FRMD3: variants seen among roughly 807,000 people sequenced by gnomAD.
The protein encoded by FRMD3 is FERM domain containing 3.
In FRMD3, 33 loss-of-function variants were observed where a neutral mutation model predicts 70.2. The observed-to-expected ratio is 0.47, with a 90% CI of 0.36 to 0.63. The LOEUF (loss-of-function observed/expected upper bound fraction) is 0.63. Among genes scored for constraint, FRMD3 ranks in the 20% least tolerant of loss-of-function variants. The pLI, the probability that FRMD3 is intolerant of heterozygous loss-of-function variation, is 0.00. For missense variants in FRMD3, 632 were observed against 711.4 expected (o/e 0.89, Z 1.27); for synonymous variants, 279 against 255.9 (o/e 1.09, Z -0.86).
intron 3 of FRMD3, among the ~76,000 whole-genome samples, chr9:83,369,462 G>C (rs1824898061): frequency 6.6e-6 from 1 of 151,958 alleles, no homozygotes; most frequent in Non-Finnish European, 1.5e-5. Flanking sequence ...TGTAATCCCA[G>C]CTACTCAGGG....
chr9:83,361,411 C>T (rs900761895), intron 3 of FRMD3, among the ~76,000 whole-genome samples: 6 of 152,156 alleles, frequency 3.9e-5, no homozygotes, highest in African/African-American at 9.7e-5. Context: ...GTAGGTTATA[C>T]GAATGAGGAT....
chr9:83,531,066 G>C (rs1247405658), intron 1 of FRMD3, among the ~76,000 whole-genome samples: 1 of 152,144 alleles, frequency 6.6e-6, no homozygotes, highest in Non-Finnish European at 1.5e-5. Flanking sequence ...ATTGGAAGTG[G>C]CTTCTCTCTT....
chr9:83,368,515 A>G (rs1191780558), intron 3 of FRMD3, among the ~76,000 whole-genome samples: 1 of 152,038 alleles, frequency 6.6e-6, no homozygotes, highest in African/African-American at 2.4e-5. Context: ...CATCTCTTCT[A>G]AGTTCAGAGG....
intron 1 of FRMD3, among the ~76,000 whole-genome samples, chr9:83,456,979 C>CAA (rs56964661): frequency 3.3e-5 from 5 of 150,636 alleles, no homozygotes; most frequent in African/African-American, 9.8e-5. Flanking sequence ...GATCCTGTCT[C>CAA]AAAAAAAAAT....
intron 5 of FRMD3, among the ~76,000 whole-genome samples, chr9:83,337,502 T>C (rs1823620172): frequency 6.6e-6 from 1 of 152,164 alleles, no homozygotes; most frequent in African/African-American, 2.4e-5. Flanking sequence ...AAGAATACTT[T>C]CTATTGGTTC....
At chr9:83,402,902 T>C (rs868387026) in intron 1 of FRMD3, among the ~76,000 whole-genome samples, 3 of 69,446 alleles carry the variant, frequency 4.3e-5, no homozygotes, top group African/African-American at 1.4e-4. Flanking sequence ...TTCTTTCTTT[T>C]TTTTTTTTTT....
At chr9:83,355,302 G>A (rs900306293) in intron 3 of FRMD3, among the ~76,000 whole-genome samples, 3 of 152,192 alleles carry the variant, frequency 2.0e-5, no homozygotes, top group African/African-American at 4.8e-5. Flanking sequence ...AGCTATCTGC[G>A]CAAACCCACA....
chr9:83,545,976 A>G, the FRMD3 span, among the ~76,000 whole-genome samples: 33 of 152,074 alleles, frequency 2.2e-4, no homozygotes, highest in Non-Finnish European at 4.6e-4. Context: ...AATCACCTGT[A>G]AAGGAAATCC....
At chr9:83,445,746 G>A (rs1455983052) in intron 1 of FRMD3, among the ~76,000 whole-genome samples, 1 of 152,214 alleles carries the variant, frequency 6.6e-6, no homozygotes, top group Non-Finnish European at 1.5e-5. Flanking sequence ...AGGAATGTTT[G>A]CACTTTGAGG....
At chr9:83,458,990 T>C (rs879663285) in intron 1 of FRMD3, among the ~76,000 whole-genome samples, 11 of 152,244 alleles carry the variant, frequency 7.2e-5, no homozygotes, top group Non-Finnish European at 1.6e-4. Flanking sequence ...CAGCTACCTT[T>C]CTGCCACCTG....
intron 1 of FRMD3, among the ~76,000 whole-genome samples, chr9:83,509,387 A>T (rs12551334): frequency 0.054 from 8,162 of 152,326 alleles, 308 homozygotes; most frequent in East Asian, 0.2. Context: ...GTTCAATGGT[A>T]TGGCAGCAGC....
chr9:83,516,039 T>C lies in FRMD3; in HGVS notation c.147+22046A>G, dbSNP rs532464220. On this transcript the variant is annotated intron_variant, in intron 1 of 13. Transcript: ENST00000304195. ...CAAACCAAAATGTAAAGACCATTGA[T>C]ACTATGAAGAAACTGCAACAACTAA... is the stretch of plus-strand genomic sequence containing the variant. Among the ~76,000 whole-genome samples the C allele has an allele frequency of 1.2e-4, 18 of 152,176 alleles. No homozygotes were observed. The South Asian group carries it at 3.7e-3, about 32-fold the overall frequency.
intron 1 of FRMD3, among the ~76,000 whole-genome samples, chr9:83,473,989 TGAG>T (rs756524126): frequency 6.6e-6 from 1 of 152,216 alleles, no homozygotes; most frequent in East Asian, 1.9e-4. Flanking sequence ...AGGTTGTGAC[TGAG>T]GAGAACTTAT....
chr9:83,485,419 C>T (rs975983186), intron 1 of FRMD3, among the ~76,000 whole-genome samples: 7 of 152,292 alleles, frequency 4.6e-5, no homozygotes, highest in African/African-American at 1.7e-4. Flanking sequence ...ATCGTTCTTT[C>T]CTGCTGCATA....
intron 1 of FRMD3, among the ~76,000 whole-genome samples, chr9:83,424,326 A>G (rs902032599): frequency 8.5e-5 from 13 of 152,192 alleles, no homozygotes; most frequent in African/African-American, 2.4e-4. Flanking sequence ...TCCCTTGTCT[A>G]CCCTTCCACC....
At chr9:83,579,724 C>A in the FRMD3 span, among the ~76,000 whole-genome samples, 2 of 151,960 alleles carry the variant, frequency 1.3e-5, no homozygotes, top group African/African-American at 2.4e-5. Context: ...TTAGCCTGGG[C>A]GCAATGGTTT....
intron 13 of FRMD3, among the ~76,000 whole-genome samples, chr9:83,281,944 T>C (rs564788477): frequency 1.3e-5 from 2 of 152,344 alleles, no homozygotes; most frequent in East Asian, 3.9e-4. Flanking sequence ...TCACCCATAC[T>C]TAAATAAAAT....
chr9:83,341,218 A>G (rs1357030423), intron 5 of FRMD3, among the ~76,000 whole-genome samples: 1 of 152,190 alleles, frequency 6.6e-6, no homozygotes, highest in Non-Finnish European at 1.5e-5. Context: ...CACAGACAGC[A>G]CTGCATTTGA....
At chr9:83,308,029 T>C (rs1353918129) in intron 10 of FRMD3, among the ~76,000 whole-genome samples, 2 of 152,124 alleles carry the variant, frequency 1.3e-5, no homozygotes, top group Non-Finnish European at 2.9e-5. Context: ...GTGGTGGTGG[T>C]CACAGGAAGG....
Sources: gnomAD v4.1 joint callset for allele counts (sites outside exome capture counted in the v4.1 genomes callset) on GRCh38, gnomAD v4.1.1 for gene constraint, MANE v1.5 for transcripts, NCBI Gene and HGNC (gene_info 2026-07-23, HGNC 2026-07-21) for gene names.